TMEM232: variants seen among roughly 807,000 people sequenced by gnomAD.
TMEM232 encodes the protein transmembrane protein 232.
A neutral mutation model predicts 78.8 loss-of-function variants in TMEM232; 80 were observed. The ratio of observed to expected loss-of-function variants is 1.01; its 90% confidence interval spans 0.85 to 1.22. The LOEUF (loss-of-function observed/expected upper bound fraction) is 1.22. Ranked by LOEUF, TMEM232 falls within the 50% of genes most tolerant of loss-of-function variation. The probability of loss-of-function intolerance (pLI) is 0.00; values close to 1 mark genes in which losing one functional copy is unlikely to be tolerated. For missense variants in TMEM232, 881 were observed against 742.2 expected, an observed-to-expected ratio of 1.19 and a Z score of -2.17; for synonymous variants, 297 against 254.3, an observed-to-expected ratio of 1.17 and a Z score of -1.60.
At chr5:110,738,892 A>T (rs1025366718), upstream of TMEM232, 1 of 1,126,060 alleles carries the variant, frequency 8.9e-7, no homozygotes. Flanking sequence ...CAAACTTTTA[A>T]GGTCCAGGTT....
intron 12 of TMEM232, among the ~76,000 whole-genome samples, chr5:110,489,421 AACAG>A (rs1764798960): frequency 6.6e-6 from 1 of 152,092 alleles, no homozygotes; most frequent in Admixed American, 6.6e-5. Flanking sequence ...ACATGATCTC[AACAG>A]ACACAGAAAA....
intron 2 of TMEM232, among the ~76,000 whole-genome samples, chr5:110,399,611 C>T (rs1017197166): frequency 2.0e-5 from 3 of 152,086 alleles, no homozygotes; most frequent in African/African-American, 7.2e-5. Context: ...ATGTGTCTGT[C>T]ACCCCTTACC....
At chr5:110,535,638 A>G (rs1395464951) in intron 11 of TMEM232, among the ~76,000 whole-genome samples, 2 of 152,210 alleles carry the variant, frequency 1.3e-5, no homozygotes, top group Non-Finnish European at 2.9e-5. Context: ...TTTTTTACTC[A>G]AAATATAGTA....
intron 12 of TMEM232, among the ~76,000 whole-genome samples, chr5:110,435,584 C>A (rs1758341018): frequency 6.6e-6 from 1 of 151,738 alleles, no homozygotes; most frequent in Non-Finnish European, 1.5e-5. Context: ...CATTAATCAT[C>A]CCCACTCCCC....
intron 2 of TMEM232, among the ~76,000 whole-genome samples, chr5:110,733,406 C>T (rs1798863584): frequency 6.6e-6 from 1 of 152,132 alleles, no homozygotes; most frequent in Non-Finnish European, 1.5e-5. Flanking sequence ...ATGTTCATTG[C>T]ACCACTATTC....
chr5:110,516,066 A>T (rs1019649529), intron 12 of TMEM232, among the ~76,000 whole-genome samples: 2 of 152,072 alleles, frequency 1.3e-5, no homozygotes, highest in Non-Finnish European at 2.9e-5. Context: ...GGTGAAACCC[A>T]GTCCCTACTA....
At chr5:110,569,954 A>T in intron 10 of TMEM232, among the ~76,000 whole-genome samples, 1 of 151,938 alleles carries the variant, frequency 6.6e-6, no homozygotes, top group South Asian at 2.1e-4. Context: ...AATTTACACA[A>T]GTACTTTTCT....
intron 12 of TMEM232, among the ~76,000 whole-genome samples, chr5:110,471,646 G>T (rs1762694767): frequency 6.6e-6 from 1 of 151,340 alleles, no homozygotes; most frequent in Non-Finnish European, 1.5e-5. Flanking sequence ...AAAAAAACCT[G>T]GCAGCCAAGA....
chr5:110,656,829 C>T (rs1789140565), intron 2 of TMEM232, among the ~76,000 whole-genome samples: 1 of 149,656 alleles, frequency 6.7e-6, no homozygotes, highest in South Asian at 2.1e-4. Context: ...CAGAGCAAGA[C>T]TCCATCTCTA....
chr5:110,640,890 C>G lies in TMEM232; in HGVS notation c.343+1G>C. ...GCCTAATAAGAATTTAAAGTACGTA[C>G]CATCTTGGATTTCCCCTTTGCATTG... On this transcript the variant is annotated splice_donor_variant, in intron 4 of 13. Coordinates refer to ENST00000455884, the MANE Select transcript of TMEM232 (RefSeq NM_001039763.4). LOFTEE classifies it high-confidence loss of function. 1.3e-6 allele frequency: 2 copies of G among 1,511,322 alleles called. No homozygotes were observed. The highest frequency in any genetic ancestry group is 1.8e-6 in the Non-Finnish European group (2 of 1,125,526). 93.6% of individuals were successfully genotyped at this position (1,511,322 alleles called of 1,614,324 possible). A position where few individuals can be genotyped will look rare whatever the true frequency, so the allele number is the denominator to read the frequency against.
At chr5:110,497,872 G>C (rs377716570) in intron 12 of TMEM232, among the ~76,000 whole-genome samples, 16 of 152,082 alleles carry the variant, frequency 1.1e-4, no homozygotes, top group African/African-American at 3.6e-4. Context: ...CCCAATTTTA[G>C]AGAAAAAATA....
At chr5:110,455,129 GAT>G (rs1272480458) in intron 12 of TMEM232, among the ~76,000 whole-genome samples, 3 of 151,980 alleles carry the variant, frequency 2.0e-5, no homozygotes, top group African/African-American at 7.3e-5. Context: ...TGATTACTTT[GAT>G]ATATGTTAAA....
At chr5:110,425,842 T>A (rs1333937024) in intron 12 of TMEM232, among the ~76,000 whole-genome samples, 3 of 152,098 alleles carry the variant, frequency 2.0e-5, no homozygotes, top group African/African-American at 7.2e-5. Flanking sequence ...AGAATTGTTT[T>A]CAAAATACAA....
At chr5:110,538,323 A>G (rs1195198489) in intron 11 of TMEM232, among the ~76,000 whole-genome samples, 4 of 152,208 alleles carry the variant, frequency 2.6e-5, no homozygotes, top group African/African-American at 9.6e-5. Context: ...GGGGCCACGC[A>G]GTAATCAAAA....
intron 11 of TMEM232, among the ~76,000 whole-genome samples, chr5:110,560,782 T>C (rs1026045504): frequency 1.3e-5 from 2 of 152,202 alleles, no homozygotes; most frequent in African/African-American, 4.8e-5. Flanking sequence ...CAGCAATCCA[T>C]GCTGAGCCCA....
At chr5:110,601,809 T>A (rs549069206) in intron 10 of TMEM232, among the ~76,000 whole-genome samples, 6 of 152,248 alleles carry the variant, frequency 3.9e-5, no homozygotes, top group African/African-American at 9.6e-5. Flanking sequence ...AAATTTCATA[T>A]GGAACCAAAA....
At chr5:110,649,060 G>A (rs541858039) in intron 2 of TMEM232, among the ~76,000 whole-genome samples, 1 of 152,160 alleles carries the variant, frequency 6.6e-6, no homozygotes, top group South Asian at 2.1e-4. Flanking sequence ...AGTCTGTCTA[G>A]TTGAGCTTGA....
intron 12 of TMEM232, among the ~76,000 whole-genome samples, chr5:110,471,664 A>C (rs115730294): frequency 0.023 from 3,567 of 152,044 alleles, 107 homozygotes; most frequent in African/African-American, 0.068. Context: ...AGAATTCTAT[A>C]CCTAGCAGAC....
In TMEM232 at chr5:110,528,665, T is replaced by C; in HGVS notation, c.1626A>G (p.Ser542=). ...GATATTTTGTTTGATCCTTTTTTAT[T>C]GATGGTTTCTTCAAAGGAAGAAAAT... ...EAHFLPLKKP[S]IKKDQTKYPN... The change falls in exon 12 of 14, where the codon TCA becomes TCG. Residue 542 remains serine (S), a synonymous_variant. Transcript: ENST00000455884. 1.3e-6 allele frequency: 2 copies of C among 1,535,192 alleles called. No homozygotes were observed. The highest frequency in any genetic ancestry group is 1.2e-5 in the South Asian group (1 of 83,950).
Sources: allele counts gnomAD v4.1 joint callset (sites outside exome capture counted in the v4.1 genomes callset), GRCh38; gene constraint gnomAD v4.1.1; transcripts MANE v1.5; gene names NCBI Gene and HGNC (gene_info 2026-07-23, HGNC 2026-07-21).